GRIK3: variants seen among roughly 807,000 people sequenced by gnomAD.
GRIK3 encodes glutamate receptor ionotropic, kainate 3.
A neutral mutation model predicts 102.5 loss-of-function variants in GRIK3; 29 were observed. The observed-to-expected ratio is 0.28, with a 90% CI of 0.21 to 0.39. The LOEUF (loss-of-function observed/expected upper bound fraction) is 0.39. Ranked by LOEUF, GRIK3 falls within the 10% of genes least tolerant of loss-of-function variation. The pLI is 1.00. For missense variants in GRIK3, 908 were observed against 1,252.4 expected, an observed-to-expected ratio of 0.73 and a Z score of 4.15; for synonymous variants, 511 against 504.9, an observed-to-expected ratio of 1.01 and a Z score of -0.16.
rs569938240 is a variant in GRIK3 at position 36,946,080 on chromosome 1, A to G, written c.116-54984T>C. 2.0e-5 allele frequency among the ~76,000 whole-genome samples: 3 copies of G among 152,386 alleles called. No individual in the cohort carries two copies. The South Asian group carries it at 6.2e-4, about 32-fold the overall frequency. On this transcript the variant is annotated intron_variant, in intron 1 of 15. Transcript: ENST00000373091. ...TGCAAGAGGCAGCCCGAGGATATGC[A>G]GCCAGGATAGGGGCCAGGCCTGTGA... is the stretch of plus-strand genomic sequence containing the variant.
intron 1 of GRIK3, among the ~76,000 whole-genome samples, chr1:36,921,141 T>G (rs1053901175): frequency 6.6e-6 from 1 of 152,240 alleles, no homozygotes; most frequent in East Asian, 1.9e-4. Flanking sequence ...TCTGCCATCC[T>G]TTGCTTTTGA....
chr1:36,926,668 T>C (rs1259418201), intron 1 of GRIK3, among the ~76,000 whole-genome samples: 3 of 152,046 alleles, frequency 2.0e-5, no homozygotes, highest in Non-Finnish European at 2.9e-5. Context: ...GGATTACAGG[T>C]GTGAGCCACC....
chr1:37,012,773 G>A (rs1268787572), intron 1 of GRIK3, among the ~76,000 whole-genome samples: 2 of 152,178 alleles, frequency 1.3e-5, no homozygotes, highest in Non-Finnish European at 2.9e-5. Context: ...TGGAATAAGC[G>A]ATGTGACCTT....
intron 1 of GRIK3, among the ~76,000 whole-genome samples, chr1:36,910,194 A>AT (rs1451481263): frequency 6.6e-6 from 1 of 152,220 alleles, no homozygotes; most frequent in East Asian, 1.9e-4. Flanking sequence ...TGCTGCCATT[A>AT]TGAAGAGTCC....
At chr1:36,995,164 T>C (rs1216126083) in intron 1 of GRIK3, among the ~76,000 whole-genome samples, 4 of 152,144 alleles carry the variant, frequency 2.6e-5, no homozygotes, top group African/African-American at 9.7e-5. Flanking sequence ...GTAATTGCAA[T>C]TTCCCACAAT....
intron 1 of GRIK3, among the ~76,000 whole-genome samples, chr1:36,991,039 A>C (rs574551162): frequency 7.9e-5 from 12 of 152,270 alleles, no homozygotes; most frequent in African/African-American, 2.4e-4. Context: ...CAGAGAGTAT[A>C]AATTGATTAC....
At chr1:36,809,437 T>C (rs888422783) in intron 13 of GRIK3, among the ~76,000 whole-genome samples, 46 of 152,168 alleles carry the variant, frequency 3.0e-4, no homozygotes, top group Admixed American at 9.2e-4. Flanking sequence ...CCTTTCTCCT[T>C]CTCACCCATC....
intron 1 of GRIK3, among the ~76,000 whole-genome samples, chr1:36,987,218 T>C (rs952085690): frequency 6.6e-6 from 1 of 151,140 alleles, no homozygotes; most frequent in African/African-American, 2.4e-5. Flanking sequence ...TTCGATTCCA[T>C]GTCTGCTCAG....
At chr1:36,893,332 A>G (rs1557716435) in intron 1 of GRIK3, among the ~76,000 whole-genome samples, 1 of 152,256 alleles carries the variant, frequency 6.6e-6, no homozygotes, top group African/African-American at 2.4e-5. Context: ...CTTAAATTCT[A>G]CAAAAAGGAC....
intron 1 of GRIK3, among the ~76,000 whole-genome samples, chr1:36,891,474 T>C (rs139191151): frequency 1.8e-3 from 274 of 152,314 alleles, no homozygotes; most frequent in African/African-American, 6.2e-3. Flanking sequence ...TCTATGAATA[T>C]CATTCCATCA....
At chr1:36,994,277 C>T (rs1016287788) in intron 1 of GRIK3, among the ~76,000 whole-genome samples, 6 of 152,178 alleles carry the variant, frequency 3.9e-5, no homozygotes, top group African/African-American at 1.2e-4. Flanking sequence ...TACACAATTG[C>T]GGTAAACTAG....
At chr1:36,996,086 T>A (rs963383095) in intron 1 of GRIK3, among the ~76,000 whole-genome samples, 1 of 152,192 alleles carries the variant, frequency 6.6e-6, no homozygotes, top group Non-Finnish European at 1.5e-5. Context: ...GTCAGCACCA[T>A]CCACTTCTTC....
rs367848510 is a variant in GRIK3, at chr1:36,846,517, ATGT to A, written c.1326+3791_1326+3793del. ...TGTTCCCTAGAGGCAGAGCAGTTTG[ATGT>A]TGTGTACTGGTACCTTGGGACCTGC... is the stretch of plus-strand genomic sequence containing the variant. On this transcript the variant is annotated intron_variant, in intron 9 of 15. Coordinates refer to ENST00000373091, the MANE Select transcript of GRIK3 (RefSeq NM_000831.4). Among the ~76,000 whole-genome samples, 32 of 152,162 alleles carry A rather than the reference ATGT, an allele frequency of 2.1e-4. No individual in the cohort carries two copies. The South Asian group carries it at 6.0e-3, about 29-fold the overall frequency.
At chr1:37,005,152 A>G (rs1642518390) in intron 1 of GRIK3, among the ~76,000 whole-genome samples, 1 of 152,166 alleles carries the variant, frequency 6.6e-6, no homozygotes, top group Non-Finnish European at 1.5e-5. Context: ...CTTTCTGGCC[A>G]TTGTATGCCC....
chr1:36,823,837 T>C (rs932134930), intron 11 of GRIK3, among the ~76,000 whole-genome samples: 1 of 152,200 alleles, frequency 6.6e-6, no homozygotes, highest in Admixed American at 6.5e-5. Flanking sequence ...TTGAACTTTA[T>C]ATCTGGTCTG....
Position 36,986,380 on chromosome 1 carries a change from C to T in GRIK3, c.115+47614G>A, listed in dbSNP as rs557465414. Reference sequence around the variant, plus strand: ...CCATCCATCCGTCAGTCCGCCCATCCATCCATCCATCCATCCATCCTGTCC... The same window carrying T: ...CCATCCATCCGTCAGTCCGCCCATCTATCCATCCATCCATCCATCCTGTCC... On this transcript the variant is annotated intron_variant, in intron 1 of 15. Coordinates refer to ENST00000373091, the MANE Select transcript of GRIK3 (RefSeq NM_000831.4). 2.6e-5 allele frequency among the ~76,000 whole-genome samples: 4 copies of T among 151,612 alleles called. No individual in the cohort carries two copies. The South Asian group carries it at 8.4e-4, about 32-fold the overall frequency.
intron 1 of GRIK3, among the ~76,000 whole-genome samples, chr1:36,903,916 G>A (rs564083): frequency 0.043 from 6,616 of 152,114 alleles, 388 homozygotes; most frequent in African/African-American, 0.12. Context: ...ATTAGTCAAA[G>A]CCCACAGAAT....
chr1:36,843,464 GAGA>G (rs1640485141), intron 9 of GRIK3, among the ~76,000 whole-genome samples: 1 of 152,202 alleles, frequency 6.6e-6, no homozygotes, highest in Non-Finnish European at 1.5e-5. Flanking sequence ...TTCAGGCTCA[GAGA>G]AGGTCAGTAA....
At chr1:36,822,483 G>A (rs1642706097) in intron 11 of GRIK3, among the ~76,000 whole-genome samples, 1 of 152,222 alleles carries the variant, frequency 6.6e-6, no homozygotes, top group Non-Finnish European at 1.5e-5. Context: ...GAGAAGAGGA[G>A]TGGGATGGTC....
Sources: gnomAD v4.1 joint callset for allele counts (sites outside exome capture counted in the v4.1 genomes callset) on GRCh38, gnomAD v4.1.1 for gene constraint, MANE v1.5 for transcripts, NCBI Gene and HGNC (gene_info 2026-07-23, HGNC 2026-07-21) for gene names.